ZBTB16: variants seen among roughly 807,000 people sequenced by gnomAD.
ZBTB16 encodes zinc finger and BTB domain-containing protein 16.
ZBTB16 carries 8 observed loss-of-function variants against 56.8 expected under a neutral mutation model. That is an observed-to-expected ratio of 0.14 (90% CI 0.08 to 0.25). The LOEUF (loss-of-function observed/expected upper bound fraction) is 0.25. ZBTB16 is among the 10% of genes least tolerant of loss of function. The pLI is 1.00. For missense variants in ZBTB16, 625 were observed against 903.0 expected (o/e 0.69, Z 3.95); for synonymous variants, 363 against 368.5 (o/e 0.98, Z 0.17).
intron 2 of ZBTB16, among the ~76,000 whole-genome samples, chr11:114,095,247 T>TTTCTTTTCTTTTCTTTC (rs1213398440): frequency 1.4e-4 from 12 of 83,564 alleles, no homozygotes; most frequent in Admixed American, 4.0e-4. Context: ...TTTCTTTTCT[T>TTTCTTTTCTTTTCTTTC]TTTTTTTTTT....
chr11:114,211,381 G>C (rs772982999), intron 4 of ZBTB16, among the ~76,000 whole-genome samples: 69 of 152,212 alleles, frequency 4.5e-4, no homozygotes, highest in Non-Finnish European at 7.8e-4. Context: ...CAAATTATTT[G>C]AACTCTGAGC....
intron 3 of ZBTB16, among the ~76,000 whole-genome samples, chr11:114,167,311 C>CTCTCTTT (rs1942802733): frequency 1.6e-5 from 1 of 62,068 alleles, no homozygotes; most frequent in African/African-American, 1.6e-4. Context: ...GCTGTGTTTT[C>CTCTCTTT]TCTCTCTCTC....
chr11:114,167,986 C>T (rs554981355), intron 3 of ZBTB16, among the ~76,000 whole-genome samples: 76 of 152,334 alleles, frequency 5.0e-4, no homozygotes, highest in South Asian at 1.9e-3. Flanking sequence ...GACAAGAGGC[C>T]GCCCTCCATC....
At position 114,063,692 on chromosome 11, in the gene ZBTB16, A is replaced by G; in HGVS notation, c.392A>G (p.Asn131Ser). The change falls in exon 2 of 7, where the codon AAT becomes AGT. Residue 131 changes from asparagine to serine, a missense_variant. Asn to Ser is a conservative substitution (Grantham distance 46). Around this residue, in one of 6 missense-constraint regions of ZBTB16, gnomAD observed 384 missense variants for 393.5 expected, o/e 0.98. Transcript: ENST00000335953. The surrounding 1 kb of genome is among the most constrained non-coding windows in gnomAD (Gnocchi z 6.5). ...MLETIQASDDNDTEATMADGG... is the reference protein window; with the variant it reads ...MLETIQASDDSDTEATMADGG... Reference sequence around the variant, plus strand: ...GAGACCATCCAGGCCTCAGACGACAATGACACGGAGGCCACCATGGCCGAT... The same window carrying G: ...GAGACCATCCAGGCCTCAGACGACAGTGACACGGAGGCCACCATGGCCGAT... The G allele has an allele frequency of 6.2e-7, 1 of 1,614,126 alleles. No individual in the cohort carries two copies. The highest frequency in any genetic ancestry group is 8.5e-7 in the Non-Finnish European group (1 of 1,180,034).
intron 4 of ZBTB16, chr11:114,188,433 A>C (rs1943414370): frequency 6.6e-6 from 1 of 152,256 alleles, no homozygotes; most frequent in Non-Finnish European, 1.5e-5. Flanking sequence ...TAAATTATTT[A>C]AACTCTCTTA....
chr11:114,174,198 T>C (rs1943045208), intron 3 of ZBTB16, among the ~76,000 whole-genome samples: 1 of 152,172 alleles, frequency 6.6e-6, no homozygotes, highest in Admixed American at 6.5e-5. Context: ...CCAGGCTCTG[T>C]CGGATAGACA....
chr11:114,217,176 T>A (rs1944122820), intron 4 of ZBTB16, among the ~76,000 whole-genome samples: 2 of 152,206 alleles, frequency 1.3e-5, no homozygotes, highest in Admixed American at 1.3e-4. Flanking sequence ...GTTGGAGGCA[T>A]AGGCAAGCCC....
intron 4 of ZBTB16, among the ~76,000 whole-genome samples, chr11:114,216,349 G>A (rs1018945874): frequency 6.6e-6 from 1 of 152,210 alleles, no homozygotes; most frequent in Non-Finnish European, 1.5e-5. Context: ...TGCTGGCCTT[G>A]TGCTCAGACT....
rs76754661 is a variant in ZBTB16 at position 114,217,407 on chromosome 11, C to T, written c.1454-24760C>T. Reference sequence around the variant, plus strand: ...GGATGCTTACATGATAGAAAATGAGCTGGATTGGGGTATCTCAATCCTAAT... The same window carrying T: ...GGATGCTTACATGATAGAAAATGAGTTGGATTGGGGTATCTCAATCCTAAT... On this transcript the variant is annotated intron_variant, in intron 4 of 6. Transcript: ENST00000335953. Among the ~76,000 whole-genome samples the T allele has an allele frequency of 4.2e-3, 639 of 152,232 alleles. 8 individuals are homozygous for T. Among genetic ancestry groups the T allele is most frequent in the Non-Finnish European group, 5.9e-3 (401 of 68,014 alleles).
chr11:114,100,531 A>G (rs1591665511), intron 2 of ZBTB16, among the ~76,000 whole-genome samples: 1 of 152,196 alleles, frequency 6.6e-6, no homozygotes, highest in East Asian at 1.9e-4. Context: ...TAATTTTTGT[A>G]GCCCTGGCCT....
At chr11:114,078,203 G>C (rs141719119) in intron 2 of ZBTB16, among the ~76,000 whole-genome samples, 22 of 152,222 alleles carry the variant, frequency 1.4e-4, no homozygotes, top group Non-Finnish European at 2.1e-4. Flanking sequence ...GACATGCAGA[G>C]TCTCTGAGAA....
chr11:114,193,353 G>T (rs1208217126), intron 4 of ZBTB16, among the ~76,000 whole-genome samples: 1 of 152,194 alleles, frequency 6.6e-6, no homozygotes, highest in Non-Finnish European at 1.5e-5. Flanking sequence ...GCCAGCCTTA[G>T]TGTGAGCTGT....
chr11:114,198,634 A>G (rs558067042), intron 4 of ZBTB16, among the ~76,000 whole-genome samples: 5 of 152,298 alleles, frequency 3.3e-5, no homozygotes, highest in African/African-American at 4.8e-5. Context: ...AATGGAGAGT[A>G]TAGAGTTCCC....
intron 4 of ZBTB16, among the ~76,000 whole-genome samples, chr11:114,205,047 C>T (rs879720839): frequency 6.6e-6 from 1 of 152,080 alleles, no homozygotes; most frequent in Non-Finnish European, 1.5e-5. Context: ...TTAAGTATCC[C>T]AGGCCCAACT....
chr11:114,172,334 G>T (rs1040299699), intron 3 of ZBTB16, among the ~76,000 whole-genome samples: 1 of 152,166 alleles, frequency 6.6e-6, no homozygotes, highest in Non-Finnish European at 1.5e-5. Context: ...AATGACAGTG[G>T]CAGCTGACAT....
At chr11:114,214,337 TA>T (rs1405912353) in intron 4 of ZBTB16, among the ~76,000 whole-genome samples, 1 of 152,198 alleles carries the variant, frequency 6.6e-6, no homozygotes, top group Non-Finnish European at 1.5e-5. Context: ...CTGTGACAGT[TA>T]TTTGTGAAGT....
intron 4 of ZBTB16, among the ~76,000 whole-genome samples, chr11:114,227,789 T>C (rs1214450610): frequency 6.6e-6 from 1 of 152,242 alleles, no homozygotes; most frequent in African/African-American, 2.4e-5. Context: ...GACTAGATAC[T>C]TCTGGGCGGC....
chr11:114,165,013 T>C (rs1364006735), intron 3 of ZBTB16, among the ~76,000 whole-genome samples: 2 of 152,162 alleles, frequency 1.3e-5, no homozygotes, highest in Non-Finnish European at 2.9e-5. Flanking sequence ...TCCATCTGTC[T>C]TCGTTGGTCT....
chr11:114,232,725 A>G (rs1434264900), intron 4 of ZBTB16, among the ~76,000 whole-genome samples: 2 of 152,166 alleles, frequency 1.3e-5, no homozygotes, highest in Admixed American at 1.3e-4. Flanking sequence ...ATCGTGGGCC[A>G]ATTAGTTTCA....
Sources: allele counts gnomAD v4.1 joint callset (sites outside exome capture counted in the v4.1 genomes callset), GRCh38; gene constraint gnomAD v4.1.1; regional missense constraint gnomAD v4.1.1; non-coding constraint Gnocchi (gnomAD v3.1); transcripts MANE v1.5; gene names NCBI Gene and HGNC (gene_info 2026-07-23, HGNC 2026-07-21).